Variants in KDM2A observed in about 807,000 individuals in gnomAD.
KDM2A encodes the protein lysine demethylase 2A.
In KDM2A, 3 loss-of-function variants were observed where a neutral mutation model predicts 137.3. That is an observed-to-expected ratio of 0.02 (90% CI 0.01 to 0.06). The LOEUF is 0.06. Ranked by LOEUF, KDM2A falls within the 10% of genes least tolerant of loss-of-function variation. The pLI is 1.00. For missense variants in KDM2A, 738 were observed against 1,510.6 expected (o/e 0.49, Z 8.48); for synonymous variants, 512 against 541.5 (o/e 0.95, Z 0.76).
At position 67,219,357 on chromosome 11, in the gene KDM2A, A is replaced by G; in HGVS notation, c.911A>G (p.Asn304Ser). Reference sequence around the variant, plus strand: ...GGGGGCAATTTTTTGCATAGCTTCAACATCCCTATGCAGTTAAAAATATAC... The same window carrying G: ...GGGGGCAATTTTTTGCATAGCTTCAGCATCCCTATGCAGTTAAAAATATAC... The part of the protein sequence containing the change: ...VFGGNFLHSF[N>S]IPMQLKIYNI... Residue 304 changes from asparagine (N) to serine (S), a missense_variant, in exon 10 of 21, where the codon AAC becomes AGC. Asn to Ser is a conservative substitution (Grantham distance 46). Around this residue, in one of 9 missense-constraint regions of KDM2A, gnomAD observed 43 missense variants for 254.6 expected, o/e 0.17. Coordinates refer to ENST00000529006, the MANE Select transcript of KDM2A (RefSeq NM_012308.3). 2 of 1,610,644 alleles carry G rather than the reference A, an allele frequency of 1.2e-6. No individual in the cohort carries two copies. The highest frequency in any genetic ancestry group is 1.1e-5 in the South Asian group (1 of 90,512).
chr11:67,240,284 G>A (rs1406024061), intron 12 of KDM2A: 2 of 1,535,648 alleles, frequency 1.3e-6, no homozygotes, highest in African/African-American at 2.7e-5. Flanking sequence ...TCCTTCAGGA[G>A]AACTTCCAGT....
chr11:67,169,759 C>CTCTCTCTCTCTCTCT lies in KDM2A; in HGVS notation c.43-10319_43-10318insCTCTCTCTCTCTCTT, dbSNP rs756503460. On this transcript the variant is annotated intron_variant, in intron 2 of 20. Coordinates refer to ENST00000529006, the MANE Select transcript of KDM2A (RefSeq NM_012308.3). Reference sequence around the variant, plus strand: ...TCTCTCTCTCTCTCTCTCTCTCTCTCTTTTTTTTTTTTTTTTGAGACGGAG... The same window carrying CTCTCTCTCTCTCTCT: ...TCTCTCTCTCTCTCTCTCTCTCTCTCTCTCTCTCTCTCTCTTTTTTTTTTTTTTTTTGAGACGGAG... Among the ~76,000 whole-genome samples the CTCTCTCTCTCTCTCT allele has an allele frequency of 5.6e-3, 367 of 65,674 alleles. 3 individuals carry two copies. The highest frequency in any genetic ancestry group is 0.026 in the South Asian group (34 of 1,290). The allele number at this position is 65,674 out of a possible 152,430, so 43.1% of individuals were successfully genotyped here.
intron 5 of KDM2A, among the ~76,000 whole-genome samples, chr11:67,201,772 CAAAAAAAAAAAAAAAAA>C (rs71056184): frequency 3.4e-4 from 13 of 37,812 alleles, no homozygotes; most frequent in Non-Finnish European, 5.2e-4. Context: ...GACTCCATCT[CAAAAAAAAAAAAAAAAA>C]AAAAAAAAAA....
At chr11:67,251,606 C>T (rs1417041309) in intron 17 of KDM2A, among the ~76,000 whole-genome samples, 1 of 152,232 alleles carries the variant, frequency 6.6e-6, no homozygotes, top group African/African-American at 2.4e-5. Context: ...TGTCAACTGT[C>T]AGGACCCTCA....
chr11:67,195,110 C>A (rs1382401898), intron 5 of KDM2A, among the ~76,000 whole-genome samples: 1 of 152,062 alleles, frequency 6.6e-6, no homozygotes, highest in African/African-American at 2.4e-5. Context: ...CTTGTCAGAA[C>A]CCATTGAGAA....
intron 2 of KDM2A, among the ~76,000 whole-genome samples, chr11:67,134,989 G>A (rs1855940408): frequency 6.6e-6 from 1 of 151,816 alleles, no homozygotes; most frequent in Admixed American, 6.6e-5. Flanking sequence ...TTTAACATAC[G>A]CAAAGATCAA....
chr11:67,209,971 G>T (rs1290040251), intron 6 of KDM2A, among the ~76,000 whole-genome samples: 1 of 152,064 alleles, frequency 6.6e-6, no homozygotes, highest in Non-Finnish European at 1.5e-5. Flanking sequence ...GAGGTGGGAG[G>T]ATTGCTTGAG....
chr11:67,129,609 C>T (rs1855805710), intron 2 of KDM2A, among the ~76,000 whole-genome samples: 1 of 151,850 alleles, frequency 6.6e-6, no homozygotes, highest in Non-Finnish European at 1.5e-5. Flanking sequence ...TGGTGGGCGC[C>T]TGTAGTCCCA....
At position 67,243,103 on chromosome 11, in the gene KDM2A, A is replaced by G; in HGVS notation, c.1563+11A>G. On this transcript the variant is annotated intron_variant, in intron 13 of 20. Coordinates refer to ENST00000529006, the MANE Select transcript of KDM2A (RefSeq NM_012308.3). ...CCAAAAAGGGATAAGGTAAGAAACT[A>G]TTTTCCTTGATCTTTAGGCTGCTTA... 1 of 1,588,744 alleles carries G rather than the reference A, an allele frequency of 6.3e-7. No homozygotes were observed. Among genetic ancestry groups the G allele is most frequent in the Non-Finnish European group, 8.6e-7 (1 of 1,157,246 alleles).
intron 2 of KDM2A, among the ~76,000 whole-genome samples, chr11:67,133,240 C>G (rs1855890782): frequency 6.6e-6 from 1 of 152,134 alleles, no homozygotes; most frequent in South Asian, 2.1e-4. Flanking sequence ...GCTGGGATTA[C>G]AGGCGTGCGC....
chr11:67,242,381 A>G (rs1859072323), intron 12 of KDM2A, among the ~76,000 whole-genome samples: 1 of 152,132 alleles, frequency 6.6e-6, no homozygotes, highest in Non-Finnish European at 1.5e-5. Flanking sequence ...CCTGGGTTGA[A>G]TCTGCACATT....
chr11:67,122,922 G>C (rs1311771571), intron 2 of KDM2A, among the ~76,000 whole-genome samples: 1 of 151,024 alleles, frequency 6.6e-6, no homozygotes, highest in African/African-American at 2.4e-5. Context: ...TGATCTGCCC[G>C]CCTCGGCCAC....
At chr11:67,223,234 A>C (rs1471489421) in intron 10 of KDM2A, among the ~76,000 whole-genome samples, 1 of 151,666 alleles carries the variant, frequency 6.6e-6, no homozygotes, top group South Asian at 2.1e-4. Context: ...ATGCTAACCC[A>C]GTCTTAGAAA....
At position 67,181,871 on chromosome 11, in the gene KDM2A, A is replaced by C; in HGVS notation, c.286A>C (p.Asn96His). ...AATGCCGGATCCAGACTTCACTGTG[A>C]ATGATGTCAAAATGTGTGTGGGTAA... is the stretch of plus-strand genomic sequence containing the variant. ...IKMPDPDFTV[N>H]DVKMCVGSRR... Residue 96 changes from asparagine (N) to histidine (H), a missense_variant, in exon 5 of 21, where the codon AAT (asparagine) becomes CAT (histidine). Asn to His is a moderately conservative substitution (Grantham distance 68). Around this residue, in one of 9 missense-constraint regions of KDM2A, gnomAD observed 74 missense variants for 181.8 expected, o/e 0.41. Transcript: ENST00000529006. 6.2e-7 allele frequency: 1 copy of C among 1,613,840 alleles called. No individual in the cohort carries two copies. The highest frequency in any genetic ancestry group is 8.5e-7 in the Non-Finnish European group (1 of 1,179,800).
intron 2 of KDM2A, among the ~76,000 whole-genome samples, chr11:67,126,304 G>GTGA (rs995431197): frequency 6.6e-6 from 1 of 151,790 alleles, no homozygotes; most frequent in African/African-American, 2.4e-5. Flanking sequence ...GCCAGTTATG[G>GTGA]TGACTCACAC....
At chr11:67,202,826 T>C (rs969816485) in intron 5 of KDM2A, among the ~76,000 whole-genome samples, 4 of 150,312 alleles carry the variant, frequency 2.7e-5, no homozygotes, top group Non-Finnish European at 4.4e-5. Flanking sequence ...CGAGATCTTG[T>C]ATCGGCAAAA....
rs1035048869 is a variant in KDM2A, at chr11:67,246,541, T to C, written c.1965+425T>C. Among the ~76,000 whole-genome samples the C allele has an allele frequency of 4.6e-5, 7 of 152,090 alleles. No homozygotes were observed. In the East Asian group the frequency reaches 7.7e-4, roughly 17 times the overall value. ...GATAACATTTAATGAGTGCTGAGTC[T>C]GTATCAGACTCAGTGCAGAGCTAAA... On this transcript the variant is annotated intron_variant, in intron 15 of 20. Coordinates refer to ENST00000529006, the MANE Select transcript of KDM2A (RefSeq NM_012308.3).
chr11:67,245,000 A>AG, intron 13 of KDM2A, 189 bp from the exon 14 acceptor site: 1 of 602,112 alleles, frequency 1.7e-6, no homozygotes. Context: ...AAAAAAAAAA[A>AG]AAGCAGCCAT....
intron 1 of KDM2A, 121 bp from the exon 2 acceptor site, chr11:67,121,113 A>G: frequency 1.7e-6 from 1 of 577,046 alleles, no homozygotes; most frequent in Non-Finnish European, 3.1e-6. Flanking sequence ...TCCCAAACTC[A>G]TGAAGAGGAA....
Sources: allele counts gnomAD v4.1 joint callset (sites outside exome capture counted in the v4.1 genomes callset), GRCh38; gene constraint gnomAD v4.1.1; regional missense constraint gnomAD v4.1.1; transcripts MANE v1.5; gene names NCBI Gene and HGNC (gene_info 2026-07-23, HGNC 2026-07-21).